The following DARS1 variants were observed in gnomAD, a reference collection of about 807,000 sequenced individuals.
The protein encoded by DARS1 is aspartyl-tRNA synthetase 1.
Under a neutral mutation model 68.8 loss-of-function variants are expected in DARS1, and 51 were observed. The ratio of observed to expected loss-of-function variants is 0.74; its 90% confidence interval spans 0.59 to 0.94. The LOEUF (loss-of-function observed/expected upper bound fraction) is 0.94, where lower values mean the gene tolerates loss of function less well. Among genes scored for constraint, DARS1 ranks in the 40% least tolerant of loss-of-function variants. DARS1 has a pLI of 0.00. For synonymous variants in DARS1, 203 were observed against 190.4 expected (o/e 1.07, Z -0.55); for missense variants, 607 against 597.3 (o/e 1.02, Z -0.17).
chr2:135,974,341 T>C lies in DARS1; in HGVS notation c.217+4933A>G, dbSNP rs116807764. ...TAGCCAGTAGGTGAATTTGCGAATA[T>C]GCAGTCCACGAATAATGAGGATCAA... is the stretch of plus-strand genomic sequence containing the variant. On this transcript the variant is annotated intron_variant, in intron 3 of 15. Transcript: ENST00000264161. Among the ~76,000 whole-genome samples, 1,312 of 152,330 alleles carry C rather than the reference T, an allele frequency of 8.6e-3. 16 individuals carry two copies. The highest frequency in any genetic ancestry group is 0.028 in the African/African-American group (1,158 of 41,562).
intron 3 of DARS1, among the ~76,000 whole-genome samples, chr2:135,971,619 G>A (rs1682371591): frequency 6.6e-6 from 1 of 152,002 alleles, no homozygotes; most frequent in Non-Finnish European, 1.5e-5. Flanking sequence ...AAAAATAAAG[G>A]GCATCCAAAT....
At position 135,922,856 on chromosome 2, in the gene DARS1, C is replaced by G; in HGVS notation, c.739G>C (p.Ala247Pro). The G allele has an allele frequency of 6.3e-7, 1 of 1,585,576 alleles. No homozygotes were observed. Among genetic ancestry groups the G allele is most frequent in the Non-Finnish European group, 8.6e-7 (1 of 1,166,752 alleles). ...VSYFKNNAYL[A>P]QSPQLYKQMC... ...TGCTTATATAGCTGTGGGGACTGAG[C>G]CAGGTATGCATTATTTTTAAAATAT... Residue 247 changes from alanine (A) to proline (P), a missense_variant, in exon 9 of 16, where the codon GCT (alanine) becomes CCT (proline). By Grantham distance (27) the Ala-to-Pro change is conservative (BLOSUM62 -1). Coordinates refer to ENST00000264161, the MANE Select transcript of DARS1 (RefSeq NM_001349.4).
intron 10 of DARS1, among the ~76,000 whole-genome samples, chr2:135,917,007 T>A (rs1681019106): frequency 6.6e-6 from 1 of 151,998 alleles, no homozygotes. Context: ...GCCAACATGG[T>A]GAAACCCCAT....
chr2:135,941,892 G>C (rs1388247620), intron 5 of DARS1, among the ~76,000 whole-genome samples: 2 of 151,934 alleles, frequency 1.3e-5, no homozygotes, highest in African/African-American at 2.4e-5. Context: ...GCAGCCAAAA[G>C]ACACATGAAA....
At chr2:135,911,082 A>C in intron 15 of DARS1, 57 bp downstream of exon 15, 2 of 765,010 alleles carry the variant, frequency 2.6e-6, no homozygotes, top group South Asian at 3.2e-5. Context: ...TTGTAATTCA[A>C]ATTTGTATTA....
chr2:135,911,012 T>C, intron 15 of DARS1, 127 bp downstream of exon 15: 2 of 589,022 alleles, frequency 3.4e-6, no homozygotes, highest in South Asian at 4.5e-5. Flanking sequence ...AAGTTAGCTG[T>C]TTATTTTGTT....
chr2:135,964,697 C>G (rs1346120151), intron 3 of DARS1, among the ~76,000 whole-genome samples: 10 of 151,638 alleles, frequency 6.6e-5, no homozygotes. Flanking sequence ...AAATATTAGC[C>G]GGGCGTGGTG....
intron 5 of DARS1, among the ~76,000 whole-genome samples, chr2:135,938,888 C>A (rs1260326517): frequency 1.3e-5 from 2 of 151,976 alleles, no homozygotes; most frequent in Non-Finnish European, 2.9e-5. Flanking sequence ...AGACTTTAAG[C>A]CAACAAAGAT....
Position 135,985,555 on chromosome 2 carries a change from C to A in DARS1, c.-87G>T. ...AAGGGGCTTCTCCCTCCCTCCCAGT[C>A]TCCGCCCTCCCGACCCTGGGGTCTC... On this transcript the variant is annotated 5_prime_UTR_variant, in exon 1 of 16. Coordinates refer to ENST00000264161, the MANE Select transcript of DARS1 (RefSeq NM_001349.4). 1 of 1,601,606 alleles carries A rather than the reference C, an allele frequency of 6.2e-7. No homozygotes were observed. The highest frequency in any genetic ancestry group is 1.1e-5 in the South Asian group (1 of 89,170).
chr2:135,974,420 G>A (rs1207734609), intron 3 of DARS1, among the ~76,000 whole-genome samples: 1 of 152,192 alleles, frequency 6.6e-6, no homozygotes, highest in Non-Finnish European at 1.5e-5. Flanking sequence ...CACAAAAGCA[G>A]AGTGAATAGT....
At chr2:135,913,322 A>G (rs1406783009) in intron 12 of DARS1, among the ~76,000 whole-genome samples, 1 of 152,170 alleles carries the variant, frequency 6.6e-6, no homozygotes, top group Non-Finnish European at 1.5e-5. Flanking sequence ...TTAAATTTTT[A>G]TCTAGATATA....
At position 135,978,142 on chromosome 2, in the gene DARS1, C is replaced by CAAAAAA. The variant is rs59505882; in HGVS notation, c.217+1126_217+1131dup. 6.1e-3 allele frequency among the ~76,000 whole-genome samples: 336 copies of CAAAAAA among 54,660 alleles called. 1 individual carries two copies. The highest frequency in any genetic ancestry group is 0.012 in the Middle Eastern group (1 of 82). 35.9% of individuals were successfully genotyped at this position (54,660 alleles called of 152,430 possible). Reference sequence around the variant, plus strand: ...TGGGTGACAGAGCAAGACTCTGTCTCAAAAAAAAAAAAAAAAAAAAAAAGA... The same window carrying CAAAAAA: ...TGGGTGACAGAGCAAGACTCTGTCTCAAAAAAAAAAAAAAAAAAAAAAAAAAAAAGA... On this transcript the variant is annotated intron_variant, in intron 3 of 15. Coordinates refer to ENST00000264161, the MANE Select transcript of DARS1 (RefSeq NM_001349.4).
chr2:135,923,731 G>C (rs1681154336), intron 8 of DARS1, among the ~76,000 whole-genome samples: 1 of 152,124 alleles, frequency 6.6e-6, no homozygotes. Context: ...ACAAGAATAA[G>C]AATTAGCCAG....
chr2:135,985,288 C>A (rs1682750630), intron 1 of DARS1, 115 bp downstream of exon 1: 3 of 1,447,118 alleles, frequency 2.1e-6, no homozygotes, highest in South Asian at 1.4e-5. Flanking sequence ...ACGCCCGCAG[C>A]CTGCGGAGAA....
At chr2:135,938,557 G>A (rs887476861) in intron 5 of DARS1, among the ~76,000 whole-genome samples, 1 of 152,184 alleles carries the variant, frequency 6.6e-6, no homozygotes, top group African/African-American at 2.4e-5. Flanking sequence ...TTCCTTTGGA[G>A]GATAAGAGGC....
chr2:135,907,319 A>T lies in DARS1; in HGVS notation c.1503T>A (p.Pro501=). ...AGTTAAGTGGCAAAGTGTGAATTTAAGGAGTGAGTCGTTTGGGATCACGAG... is the reference window on the plus strand; with the variant it reads ...AGTTAAGTGGCAAAGTGTGAATTTATGGAGTGAGTCGTTTGGGATCACGAG... ...MFPRDPKRLT[P] The change falls in exon 16 of 16, where the codon CCT becomes CCA. Residue 501 remains proline (P), a synonymous_variant. Transcript: ENST00000264161. The T allele has an allele frequency of 6.3e-7, 1 of 1,593,218 alleles. No homozygotes were observed. Among genetic ancestry groups the T allele is most frequent in the Non-Finnish European group, 8.6e-7 (1 of 1,168,394 alleles).
chr2:135,979,889 G>A (rs766246409), intron 2 of DARS1, among the ~76,000 whole-genome samples: 16 of 152,196 alleles, frequency 1.1e-4, no homozygotes, highest in Non-Finnish European at 2.2e-4. Flanking sequence ...CTGAGCTAAT[G>A]CAAGTCTTTC....
intron 7 of DARS1, among the ~76,000 whole-genome samples, chr2:135,927,658 C>T (rs309160): frequency 0.51 from 77,685 of 151,832 alleles, 24,441 homozygotes; most frequent in African/African-American, 0.82. Context: ...ATGATAACGG[C>T]GATTACAGAG....
intron 13 of DARS1, chr2:135,911,730 T>C (rs923966291): frequency 1.3e-5 from 5 of 371,256 alleles, no homozygotes; most frequent in African/African-American, 1.1e-4. Context: ...GCATCACATC[T>C]AATTTTTAAG....
Sources: allele counts gnomAD v4.1 joint callset (sites outside exome capture counted in the v4.1 genomes callset), GRCh38; gene constraint gnomAD v4.1.1; transcripts MANE v1.5; gene names NCBI Gene and HGNC (gene_info 2026-07-23, HGNC 2026-07-21).